The following GALNT18 variants were observed in gnomAD, a reference collection of about 807,000 sequenced individuals.
GALNT18 encodes GalNAc-transferase 18.
In GALNT18, 44 loss-of-function variants were observed where a neutral mutation model predicts 69.5. The observed-to-expected ratio is 0.63, with a 90% confidence interval of 0.50 to 0.81. The LOEUF is 0.81. Among genes scored for constraint, GALNT18 ranks in the 40% least tolerant of loss-of-function variants. GALNT18 has a pLI of 0.00. For synonymous variants in GALNT18, 364 were observed against 318.2 expected (o/e 1.14, Z -1.53); for missense variants, 715 against 810.0 (o/e 0.88, Z 1.42).
intron 3 of GALNT18, among the ~76,000 whole-genome samples, chr11:11,394,027 C>T (rs543157086): frequency 6.6e-6 from 1 of 152,282 alleles, no homozygotes; most frequent in South Asian, 2.1e-4. Flanking sequence ...AAGTCAGTAT[C>T]CACCTCTTAA....
intron 1 of GALNT18, among the ~76,000 whole-genome samples, chr11:11,559,968 G>A (rs1400015737): frequency 1.7e-5 from 2 of 116,356 alleles, no homozygotes; most frequent in African/African-American, 3.2e-5. Context: ...GATGGGATGC[G>A]ATGGAACAGA....
chr11:11,336,811 C>T (rs991087860), intron 7 of GALNT18, among the ~76,000 whole-genome samples: 3 of 152,208 alleles, frequency 2.0e-5, no homozygotes, highest in African/African-American at 7.2e-5. Context: ...GAATATGTCA[C>T]ACTCTCGGCC....
At chr11:11,528,816 G>T (rs1415798538) in intron 1 of GALNT18, among the ~76,000 whole-genome samples, 1 of 152,208 alleles carries the variant, frequency 6.6e-6, no homozygotes, top group Non-Finnish European at 1.5e-5. Flanking sequence ...AGGATATAGG[G>T]GAAGAGGGCA....
At chr11:11,371,268 C>G (rs1184742302) in intron 6 of GALNT18, among the ~76,000 whole-genome samples, 1 of 152,208 alleles carries the variant, frequency 6.6e-6, no homozygotes, top group Non-Finnish European at 1.5e-5. Context: ...TGTCCAATCT[C>G]CCCTTTAGGT....
intron 1 of GALNT18, among the ~76,000 whole-genome samples, chr11:11,557,981 A>G (rs1416729737): frequency 6.6e-6 from 1 of 152,202 alleles, no homozygotes; most frequent in Non-Finnish European, 1.5e-5. Context: ...AATGTCCCCA[A>G]AGTGGAACTG....
intron 3 of GALNT18, among the ~76,000 whole-genome samples, chr11:11,410,125 G>T (rs910519759): frequency 1.3e-5 from 2 of 152,124 alleles, no homozygotes; most frequent in African/African-American, 2.4e-5. Flanking sequence ...TCAGAGAGAG[G>T]GTGTTTAATC....
chr11:11,382,953 C>T lies in GALNT18; in HGVS notation c.596-3689G>A, dbSNP rs556160946. On this transcript the variant is annotated intron_variant, in intron 3 of 10. Transcript: ENST00000227756. This position sits in a 1 kb window ranked among gnomAD's most constrained non-coding sequence, Gnocchi z 4.3. ...GAGTCAATGTGCAGCTGTCGATAGC[C>T]CATGTTGACAGAGAAATACAATTTG... Among the ~76,000 whole-genome samples the T allele has an allele frequency of 1.3e-5, 2 of 152,082 alleles. No homozygotes were observed. Among genetic ancestry groups the T allele is most frequent in the African/African-American group, 2.4e-5 (1 of 41,400 alleles).
chr11:11,400,521 A>G (rs1023751480), intron 3 of GALNT18, among the ~76,000 whole-genome samples: 4 of 152,200 alleles, frequency 2.6e-5, no homozygotes, highest in Non-Finnish European at 4.4e-5. Context: ...ACAGAATACC[A>G]TGGACTGAGT....
At chr11:11,381,466 A>C (rs769234702) in intron 3 of GALNT18, among the ~76,000 whole-genome samples, 1 of 152,134 alleles carries the variant, frequency 6.6e-6, no homozygotes, top group African/African-American at 2.4e-5. Flanking sequence ...ACCTACCATG[A>C]CTAAGGTATT....
intron 1 of GALNT18, among the ~76,000 whole-genome samples, chr11:11,554,922 G>A (rs1858290831): frequency 6.6e-6 from 1 of 152,194 alleles, no homozygotes; most frequent in Non-Finnish European, 1.5e-5. Flanking sequence ...GAGCAGACAG[G>A]CAGAGTGGAA....
At chr11:11,607,088 G>C (rs11021952) in intron 1 of GALNT18, among the ~76,000 whole-genome samples, 17,989 of 152,236 alleles carry the variant, frequency 0.12, 1,093 homozygotes, top group Middle Eastern at 0.17. Flanking sequence ...CACAATACTA[G>C]AAGTTTCCAC....
chr11:11,615,913 A>G (rs1479616567), intron 1 of GALNT18, among the ~76,000 whole-genome samples: 3 of 152,258 alleles, frequency 2.0e-5, no homozygotes, highest in African/African-American at 7.2e-5. Flanking sequence ...TGTATGTAAC[A>G]TATAATACAG....
intron 1 of GALNT18, among the ~76,000 whole-genome samples, chr11:11,557,850 A>T (rs1858369326): frequency 6.6e-6 from 1 of 152,220 alleles, no homozygotes; most frequent in Admixed American, 6.5e-5. Context: ...ATACCTGGTG[A>T]TCACAGCTGG....
chr11:11,509,853 A>G (rs1029686881), intron 1 of GALNT18, among the ~76,000 whole-genome samples: 3 of 152,266 alleles, frequency 2.0e-5, no homozygotes, highest in Admixed American at 2.0e-4. Context: ...GATCCTGTTC[A>G]TGGTGACAAT....
intron 1 of GALNT18, among the ~76,000 whole-genome samples, chr11:11,610,412 C>T (rs952456493): frequency 4.6e-5 from 7 of 152,198 alleles, no homozygotes; most frequent in African/African-American, 1.2e-4. Context: ...CCTGCTTATG[C>T]GGTTAAGGTG....
At position 11,601,819 on chromosome 11, in the gene GALNT18, TAACAA is replaced by T. The variant is rs1370312981; in HGVS notation, c.235+19535_235+19539del. Among the ~76,000 whole-genome samples the T allele has an allele frequency of 2.6e-5, 4 of 152,218 alleles. No homozygotes were observed. Among genetic ancestry groups the T allele is most frequent in the African/African-American group, 9.6e-5 (4 of 41,456 alleles). ...ACCTGTTTTTTTCTCATCAATGTTA[TAACAA>T]AACAACATTGAAGGAAATGACGTTA... On this transcript the variant is annotated intron_variant, in intron 1 of 10. Transcript: ENST00000227756. The surrounding 1 kb of genome is among the most constrained non-coding windows in gnomAD (Gnocchi z 4.0).
intron 2 of GALNT18, among the ~76,000 whole-genome samples, chr11:11,443,423 G>A (rs180808269): frequency 1.1e-3 from 162 of 152,292 alleles, no homozygotes; most frequent in African/African-American, 3.8e-3. Flanking sequence ...TCAGTGTATA[G>A]TTCAATGAGT....
Position 11,439,361 on chromosome 11 carries a change from G to A in GALNT18, c.429-6574C>T, listed in dbSNP as rs1170952393. ...TGTGGCTTCTCATTGTGTGATTGTG[G>A]GCCTTCATCAGCCTTCAAAAAATCC... is the stretch of plus-strand genomic sequence containing the variant. On this transcript the variant is annotated intron_variant, in intron 2 of 10. Coordinates refer to ENST00000227756, the MANE Select transcript of GALNT18 (RefSeq NM_198516.3). The surrounding 1 kb of genome is among the most constrained non-coding windows in gnomAD (Gnocchi z 4.4). Among the ~76,000 whole-genome samples the A allele has an allele frequency of 1.3e-5, 2 of 152,058 alleles. No homozygotes were observed. Among genetic ancestry groups the A allele is most frequent in the Non-Finnish European group, 2.9e-5 (2 of 68,030 alleles).
intron 9 of GALNT18, among the ~76,000 whole-genome samples, chr11:11,306,976 G>A (rs1489290195): frequency 6.6e-6 from 1 of 152,246 alleles, no homozygotes; most frequent in Non-Finnish European, 1.5e-5. Context: ...ACCATGTGTA[G>A]AAGCCTGGCC....
Sources: gnomAD v4.1 joint callset for allele counts (sites outside exome capture counted in the v4.1 genomes callset) on GRCh38, gnomAD v4.1.1 for gene constraint, Gnocchi (gnomAD v3.1) non-coding constraint, MANE v1.5 for transcripts, NCBI Gene and HGNC (gene_info 2026-07-23, HGNC 2026-07-21) for gene names.